Variants in NCEH1 observed in about 807,000 individuals in gnomAD.
NCEH1 encodes the protein 2-acetyl MAGE hydrolase.
Under a neutral mutation model 25.4 loss-of-function variants are expected in NCEH1, and 9 were observed. That is an observed-to-expected ratio of 0.35 (90% CI 0.21 to 0.62). The LOEUF (loss-of-function observed/expected upper bound fraction) is 0.62. Among genes scored for constraint, NCEH1 ranks in the 20% least tolerant of loss-of-function variants. The pLI is 0.72. For synonymous variants in NCEH1, 200 were observed against 199.8 expected (o/e 1.00, Z -0.01); for missense variants, 412 against 501.1 (o/e 0.82, Z 1.70).
At position 172,633,760 on chromosome 3, in the gene NCEH1, C is replaced by G. The variant is rs371650851; in HGVS notation, c.942G>C (p.Gln314His). The G allele has an allele frequency of 1.1e-5, 18 of 1,614,090 alleles. No individual in the cohort carries two copies. In the African/African-American group the frequency reaches 1.5e-4, roughly 13 times the overall value. Reference protein sequence around the residue: ...VQTTGNARIVQELPQLLDARS... With the variant: ...VQTTGNARIVHELPQLLDARS... ...GGGCATCCAGCAACTGAGGAAGCTC[C>G]TGGACAATCCTGGCATTGCCTGTGG... The change falls in exon 5 of 5, where the codon CAG becomes CAC. Residue 314 changes from glutamine (Q) to histidine (H), a missense_variant. Around this residue, in one of 3 missense-constraint regions of NCEH1, gnomAD observed 210 missense variants for 258.2 expected, o/e 0.81. Transcript: ENST00000475381.
intron 3 of NCEH1, among the ~76,000 whole-genome samples, chr3:172,638,199 T>C (rs1427503903): frequency 4.6e-5 from 6 of 129,740 alleles, no homozygotes; most frequent in Admixed American, 9.5e-5. Flanking sequence ...AAAAACTCCC[T>C]TAGTGGAGGC....
intron 1 of NCEH1, among the ~76,000 whole-genome samples, chr3:172,674,867 A>G (rs35497131): frequency 0.14 from 21,242 of 152,246 alleles, 1,662 homozygotes; most frequent in East Asian, 0.2. Flanking sequence ...AAGTTGTTTT[A>G]CTTATAGCAG....
chr3:172,707,645 G>A (rs1714079660), intron 1 of NCEH1, among the ~76,000 whole-genome samples: 1 of 152,152 alleles, frequency 6.6e-6, no homozygotes, highest in South Asian at 2.1e-4. Flanking sequence ...GAGTGCAGTG[G>A]CCTGATCTCG....
intron 1 of NCEH1, among the ~76,000 whole-genome samples, chr3:172,649,321 C>T (rs1371876620): frequency 6.6e-6 from 1 of 152,010 alleles, no homozygotes; most frequent in Non-Finnish European, 1.5e-5. Flanking sequence ...ACAGCATTAG[C>T]AAATGTTAAT....
At chr3:172,681,351 G>A (rs749862469) in intron 1 of NCEH1, 6 of 152,056 alleles carry the variant, frequency 3.9e-5, no homozygotes, top group Non-Finnish European at 8.8e-5. Flanking sequence ...CTATTCTGAT[G>A]TTCTTACACT....
Position 172,632,477 on chromosome 3 carries a change from T to A in NCEH1, c.*998A>T, listed in dbSNP as rs559227905. The A allele has an allele frequency of 6.5e-6, 1 of 152,700 alleles. No individual in the cohort carries two copies. Among genetic ancestry groups the A allele is most frequent in the Non-Finnish European group, 1.5e-5 (1 of 68,022 alleles). The allele number at this position is 152,700 out of a possible 1,614,324, so 9.5% of individuals were successfully genotyped here. A position where few individuals can be genotyped will look rare whatever the true frequency, so the allele number is the denominator to read the frequency against. On this transcript the variant is annotated 3_prime_UTR_variant, in exon 5 of 5. Coordinates refer to ENST00000475381, the MANE Select transcript of NCEH1 (RefSeq NM_020792.6). ...ATATTGTAGCAAAATAGCTCCATTTTAAAGCCATATAAGTGAAAAAATTGA... is the reference window on the plus strand; with the variant it reads ...ATATTGTAGCAAAATAGCTCCATTTAAAAGCCATATAAGTGAAAAAATTGA...
Position 172,632,517 on chromosome 3 carries a change from A to T in NCEH1, c.*958T>A, listed in dbSNP as rs963143384. The stretch of plus-strand genomic sequence containing the variant: ...GAAAAAATTGAGTTTTCAATAATAG[A>T]CTAGACCTTCTAAAGGTATTTTTAA... On this transcript the variant is annotated 3_prime_UTR_variant, in exon 5 of 5. Transcript: ENST00000475381. 1 of 152,598 alleles carries T rather than the reference A, an allele frequency of 6.6e-6. No individual in the cohort carries two copies. Among genetic ancestry groups the T allele is most frequent in the African/African-American group, 2.4e-5 (1 of 41,452 alleles). The allele number at this position is 152,598 out of a possible 1,614,324, so 9.5% of individuals were successfully genotyped here. A position where few individuals can be genotyped will look rare whatever the true frequency, so the allele number is the denominator to read the frequency against.
chr3:172,632,457 G>A lies in NCEH1; in HGVS notation c.*1018C>T, dbSNP rs1386068519. On this transcript the variant is annotated 3_prime_UTR_variant, in exon 5 of 5. Transcript: ENST00000475381. ...AAAAAAATAAACAATACATTATATT[G>A]TAGCAAAATAGCTCCATTTTAAAGC... The A allele has an allele frequency of 6.6e-6, 1 of 152,278 alleles. No individual in the cohort carries two copies. The allele number at this position is 152,278 out of a possible 1,614,324, so 9.4% of individuals were successfully genotyped here.
Position 172,633,184 on chromosome 3 carries a change from T to A in NCEH1, c.*291A>T. The A allele has an allele frequency of 3.1e-6, 1 of 325,034 alleles. No homozygotes were observed. Among genetic ancestry groups the A allele is most frequent in the Non-Finnish European group, 5.7e-6 (1 of 176,648 alleles). 20.1% of individuals were successfully genotyped at this position (325,034 alleles called of 1,614,324 possible). A position where few individuals can be genotyped will look rare whatever the true frequency, so the allele number is the denominator to read the frequency against. On this transcript the variant is annotated 3_prime_UTR_variant, in exon 5 of 5. Coordinates refer to ENST00000475381, the MANE Select transcript of NCEH1 (RefSeq NM_020792.6). ...AGGCAGGACCCAAAGTTATTTCCAGTTCCTAGTCCTGCTTTCTGTAGCTGT... is the reference window on the plus strand; with the variant it reads ...AGGCAGGACCCAAAGTTATTTCCAGATCCTAGTCCTGCTTTCTGTAGCTGT...
chr3:172,633,271 A>G lies in NCEH1; in HGVS notation c.*204T>C, dbSNP rs1384763691. 5.1e-6 allele frequency: 3 copies of G among 586,618 alleles called. No individual in the cohort carries two copies. The highest frequency in any genetic ancestry group is 8.9e-6 in the Non-Finnish European group (3 of 335,522). The allele number at this position is 586,618 out of a possible 1,614,324, so 36.3% of individuals were successfully genotyped here. Reference sequence around the variant, plus strand: ...AGAGATTGGCCCACTCTGGGAACCAAATTTACATGTTTTGCACTTAAGTTA... The same window carrying G: ...AGAGATTGGCCCACTCTGGGAACCAGATTTACATGTTTTGCACTTAAGTTA... On this transcript the variant is annotated 3_prime_UTR_variant, in exon 5 of 5. Transcript: ENST00000475381.
Position 172,636,089 on chromosome 3 carries a change from T to A in NCEH1, c.438-2A>T. On this transcript the variant is annotated splice_acceptor_variant, in intron 3 of 4. Transcript: ENST00000475381. LOFTEE classifies it high-confidence loss of function. Reference sequence around the variant, plus strand: ...TAAACCTTTGGAACTAGCCTGTATCTGTAAAAACAAAAGTTGTATTCATTT... The same window carrying A: ...TAAACCTTTGGAACTAGCCTGTATCAGTAAAAACAAAAGTTGTATTCATTT... 1.2e-6 allele frequency: 2 copies of A among 1,609,240 alleles called. No homozygotes were observed. The highest frequency in any genetic ancestry group is 1.7e-6 in the Non-Finnish European group (2 of 1,176,992).
rs1281727231 is a variant in NCEH1, at chr3:172,689,913, T to A, written c.138+20934A>T. ...TTTTTATTATTTTATTTATTTATTT[T>A]TTTTTTTTGAGACGGAGTCTCACTC... On this transcript the variant is annotated intron_variant, in intron 1 of 4. Transcript: ENST00000475381. Among the ~76,000 whole-genome samples the A allele has an allele frequency of 1.6e-3, 237 of 146,528 alleles. 1 individual carries two copies. Among genetic ancestry groups the A allele is most frequent in the East Asian group, 5.9e-3 (30 of 5,126 alleles).
At chr3:172,685,077 C>T (rs1328144712) in intron 1 of NCEH1, among the ~76,000 whole-genome samples, 1 of 151,846 alleles carries the variant, frequency 6.6e-6, no homozygotes, top group East Asian at 1.9e-4. Flanking sequence ...GGTGGACTGC[C>T]AGAGCTAAGT....
intron 1 of NCEH1, among the ~76,000 whole-genome samples, chr3:172,665,946 G>A (rs1474690698): frequency 6.6e-6 from 1 of 152,190 alleles, no homozygotes; most frequent in African/African-American, 2.4e-5. Flanking sequence ...TCCCGGGTGA[G>A]GCGATGCCCC....
intron 1 of NCEH1, among the ~76,000 whole-genome samples, chr3:172,665,782 C>T (rs767550783): frequency 2.0e-5 from 3 of 152,132 alleles, no homozygotes; most frequent in East Asian, 1.9e-4. Flanking sequence ...GTGTCGGACC[C>T]GCCGAGCCAT....
intron 1 of NCEH1, among the ~76,000 whole-genome samples, chr3:172,682,196 T>C (rs1712419203): frequency 6.6e-6 from 1 of 152,184 alleles, no homozygotes; most frequent in Non-Finnish European, 1.5e-5. Flanking sequence ...GTTCCGAGTT[T>C]AGGGAAACAA....
chr3:172,688,912 A>C (rs1576771159), intron 1 of NCEH1, among the ~76,000 whole-genome samples: 1 of 152,262 alleles, frequency 6.6e-6, no homozygotes, highest in East Asian at 1.9e-4. Flanking sequence ...CCTCACATAA[A>C]CTGAAAAACC....
chr3:172,658,053 A>T (rs1408155577), intron 1 of NCEH1, among the ~76,000 whole-genome samples: 2 of 152,212 alleles, frequency 1.3e-5, no homozygotes, highest in Non-Finnish European at 2.9e-5. Context: ...TCACAGGATG[A>T]GACAGGAGGT....
At chr3:172,647,700 AC>A (rs1717184016) in intron 2 of NCEH1, among the ~76,000 whole-genome samples, 185 bp downstream of exon 2, 1 of 152,168 alleles carries the variant, frequency 6.6e-6, no homozygotes, top group South Asian at 2.1e-4. Context: ...CCAAACCAGG[AC>A]CCTTTTGAGA....
Sources: allele counts gnomAD v4.1 joint callset (sites outside exome capture counted in the v4.1 genomes callset), GRCh38; gene constraint gnomAD v4.1.1; regional missense constraint gnomAD v4.1.1; transcripts MANE v1.5; gene names NCBI Gene and HGNC (gene_info 2026-07-23, HGNC 2026-07-21).